DLGAP2: variants seen among roughly 807,000 people sequenced by gnomAD.
DLGAP2 encodes DLG associated protein 2.
Under a neutral mutation model 100.3 loss-of-function variants are expected in DLGAP2, and 26 were observed. That is an observed-to-expected ratio of 0.26 (90% CI 0.19 to 0.36). The LOEUF is 0.36. Ranked by LOEUF, DLGAP2 falls within the 10% of genes least tolerant of loss-of-function variation. The pLI is 1.00. For synonymous variants in DLGAP2, 886 were observed against 630.1 expected (o/e 1.41, Z -6.08); for missense variants, 1,858 against 1,453.2 (o/e 1.28, Z -4.53).
At chr8:1,591,632 G>C (rs953889203) in intron 6 of DLGAP2, among the ~76,000 whole-genome samples, 2 of 152,082 alleles carry the variant, frequency 1.3e-5, no homozygotes, top group Non-Finnish European at 2.9e-5. Flanking sequence ...CCCGATACTT[G>C]TCACACATCT....
intron 1 of DLGAP2, among the ~76,000 whole-genome samples, chr8:792,062 T>C (rs1306868390): frequency 1.3e-5 from 2 of 152,234 alleles, no homozygotes; most frequent in Non-Finnish European, 2.9e-5. Context: ...TTTACCAATG[T>C]GAATTTTATC....
chr8:1,288,935 C>G (rs1017343415), intron 3 of DLGAP2, among the ~76,000 whole-genome samples: 6 of 152,124 alleles, frequency 3.9e-5, no homozygotes, highest in African/African-American at 7.2e-5. Context: ...AGATTTTTAA[C>G]ATGAAGTTCA....
At chr8:1,123,300 T>G (rs1563203588) in intron 2 of DLGAP2, among the ~76,000 whole-genome samples, 1 of 152,140 alleles carries the variant, frequency 6.6e-6, no homozygotes, top group African/African-American at 2.4e-5. Flanking sequence ...CACATGGTGG[T>G]TCTTTTATGT....
chr8:1,178,882 A>C (rs1293260814), intron 2 of DLGAP2, among the ~76,000 whole-genome samples: 1 of 152,162 alleles, frequency 6.6e-6, no homozygotes, highest in Non-Finnish European at 1.5e-5. Context: ...TCTTTCAGTT[A>C]GGAGCCCCCC....
chr8:1,320,150 T>A (rs1800861973), intron 3 of DLGAP2, among the ~76,000 whole-genome samples: 1 of 152,048 alleles, frequency 6.6e-6, no homozygotes, highest in South Asian at 2.1e-4. Context: ...GGGGACGGCC[T>A]GTGTTCCAGC....
chr8:1,616,555 G>A (rs1011325685), intron 6 of DLGAP2, among the ~76,000 whole-genome samples: 1 of 152,194 alleles, frequency 6.6e-6, no homozygotes, highest in Non-Finnish European at 1.5e-5. Context: ...CTTATTGTCA[G>A]AAGCAATGGG....
intron 8 of DLGAP2, among the ~76,000 whole-genome samples, chr8:1,641,575 G>C (rs1056749234): frequency 6.6e-6 from 1 of 152,126 alleles, no homozygotes; most frequent in African/African-American, 2.4e-5. Context: ...AGTTGACAAC[G>C]ATCTGCGTCT....
intron 2 of DLGAP2, among the ~76,000 whole-genome samples, chr8:1,167,359 C>A (rs77794999): frequency 2.6e-5 from 4 of 152,054 alleles, no homozygotes; most frequent in African/African-American, 7.2e-5. Flanking sequence ...ACCAGTGTAC[C>A]TCACAGGGAG....
intron 1 of DLGAP2, among the ~76,000 whole-genome samples, chr8:847,503 T>C (rs952589753): frequency 6.6e-6 from 1 of 152,122 alleles, no homozygotes; most frequent in African/African-American, 2.4e-5. Flanking sequence ...TGTACTTTTT[T>C]CTTTTCTTTT....
At position 1,468,960 on chromosome 8, in the gene DLGAP2, C is replaced by A. The variant is rs115873431; in HGVS notation, c.107-32406C>A. Among the ~76,000 whole-genome samples, 1,171 of 152,310 alleles carry A rather than the reference C, an allele frequency of 7.7e-3. 21 individuals are homozygous for A. Among genetic ancestry groups the A allele is most frequent in the African/African-American group, 0.027 (1,109 of 41,566 alleles). ...GACATCGTCCTGGTATTAGGACCAC[C>A]TTCCCTCTGTACGACCTCATCTGAA... On this transcript the variant is annotated intron_variant, in intron 3 of 14. Coordinates refer to ENST00000637795, the MANE Select transcript of DLGAP2 (RefSeq NM_001346810.2).
At chr8:1,355,164 G>C (rs7003758) in intron 3 of DLGAP2, among the ~76,000 whole-genome samples, 1 of 152,252 alleles carries the variant, frequency 6.6e-6, no homozygotes, top group African/African-American at 2.4e-5. Flanking sequence ...AGAAAGCACC[G>C]TGAAAGCGGT....
At position 1,548,976 on chromosome 8, in the gene DLGAP2, G is replaced by A. The variant is rs1191224744; in HGVS notation, c.523G>A (p.Asp175Asn). Residue 175 changes from aspartate (D) to asparagine (N), a missense_variant, in exon 5 of 15, where the codon GAC becomes AAC. By Grantham distance (23) the Asp-to-Asn change is conservative. Coordinates refer to ENST00000637795, the MANE Select transcript of DLGAP2 (RefSeq NM_001346810.2). ...HYSSHYDTRDDCAVAHAGAKI... is the reference protein window; with the variant it reads ...HYSSHYDTRDNCAVAHAGAKI... ...CAGCTCGCACTACGACACGCGCGAC[G>A]ACTGCGCTGTGGCCCACGCGGGCGC... 1.1e-5 allele frequency: 17 copies of A among 1,599,054 alleles called. No homozygotes were observed. Among genetic ancestry groups the A allele is most frequent in the East Asian group, 4.5e-5 (2 of 44,838 alleles).
At chr8:1,476,133 C>G (rs992543548) in intron 3 of DLGAP2, among the ~76,000 whole-genome samples, 1 of 152,184 alleles carries the variant, frequency 6.6e-6, no homozygotes, top group Non-Finnish European at 1.5e-5. Context: ...CCCGTTCACT[C>G]TGTGAAACTC....
intron 2 of DLGAP2, among the ~76,000 whole-genome samples, chr8:990,268 C>A (rs545422067): frequency 1.3e-5 from 2 of 152,096 alleles, no homozygotes; most frequent in South Asian, 2.1e-4. Flanking sequence ...TCCTGCGCTG[C>A]ATGGGAATCG....
intron 3 of DLGAP2, among the ~76,000 whole-genome samples, chr8:1,480,999 C>T (rs1465596182): frequency 2.0e-5 from 3 of 151,954 alleles, no homozygotes; most frequent in African/African-American, 7.2e-5. Context: ...GGTGAAACCC[C>T]ATCTCTACTA....
intron 1 of DLGAP2, among the ~76,000 whole-genome samples, chr8:812,486 G>C (rs945103638): frequency 6.6e-6 from 1 of 152,198 alleles, no homozygotes; most frequent in Non-Finnish European, 1.5e-5. Flanking sequence ...TTGAAGAAAG[G>C]GTGGCTGCGT....
chr8:1,466,421 C>T (rs575733449), intron 3 of DLGAP2, among the ~76,000 whole-genome samples: 9 of 152,150 alleles, frequency 5.9e-5, no homozygotes, highest in South Asian at 2.1e-4. Flanking sequence ...ACTGGAACCA[C>T]GCGTGCAGTG....
intron 3 of DLGAP2, among the ~76,000 whole-genome samples, chr8:1,441,013 T>G (rs1026732084): frequency 6.6e-5 from 10 of 152,162 alleles, no homozygotes; most frequent in African/African-American, 2.2e-4. Flanking sequence ...GGTAGGGGCA[T>G]ACATAGAAAA....
At chr8:980,431 A>G (rs1330800447) in intron 2 of DLGAP2, among the ~76,000 whole-genome samples, 3 of 152,236 alleles carry the variant, frequency 2.0e-5, no homozygotes, top group South Asian at 2.1e-4. Context: ...GTTAAACTGC[A>G]TGTAATCAGC....
Sources: gnomAD v4.1 joint callset for allele counts (sites outside exome capture counted in the v4.1 genomes callset) on GRCh38, gnomAD v4.1.1 for gene constraint, MANE v1.5 for transcripts, NCBI Gene and HGNC (gene_info 2026-07-23, HGNC 2026-07-21) for gene names.